The following TEKT5 variants were observed in gnomAD, a reference collection of about 807,000 sequenced individuals.
The protein encoded by TEKT5 is tektin-5.
TEKT5 carries 52 observed loss-of-function variants against 48.7 expected under a neutral mutation model. The ratio of observed to expected loss-of-function variants is 1.07; its 90% CI spans 0.86 to 1.35. TEKT5 has a LOEUF of 1.35. Among genes scored for constraint, TEKT5 ranks in the 40% most tolerant of loss-of-function variants. The pLI is 0.00. For synonymous variants in TEKT5, 318 were observed against 267.6 expected, an observed-to-expected ratio of 1.19 and a Z score of -1.84; for missense variants, 831 against 641.6, an observed-to-expected ratio of 1.30 and a Z score of -3.19.
chr16:10,677,051 T>TC (rs1898659528), intron 4 of TEKT5, among the ~76,000 whole-genome samples: 1 of 151,486 alleles, frequency 6.6e-6, no homozygotes, highest in Non-Finnish European at 1.5e-5. Context: ...AGTACCTACA[T>TC]GTGGTGGTGC....
In TEKT5 at chr16:10,676,043, C is replaced by A; in HGVS notation, c.1002G>T (p.Gln334His). Residue 334 changes from glutamine (Q) to histidine (H), a missense_variant, in exon 5 of 7, where the codon CAG (glutamine) becomes CAT (histidine). Transcript: ENST00000283025. Reference sequence around the variant, plus strand: ...TGAAGGCCAGGTTGGTGTCTGTGAACTGCCTCCACATCTGATCCGACAAGG... The same window carrying A: ...TGAAGGCCAGGTTGGTGTCTGTGAAATGCCTCCACATCTGATCCGACAAGG... ...FETLSDQMWR[Q>H]FTDTNLAFNA... 6.2e-7 allele frequency: 1 copy of A among 1,614,260 alleles called. No individual in the cohort carries two copies. The highest frequency in any genetic ancestry group is 8.5e-7 in the Non-Finnish European group (1 of 1,180,052).
chr16:10,674,506 G>A (rs1054875268), intron 5 of TEKT5, among the ~76,000 whole-genome samples: 7 of 150,706 alleles, frequency 4.6e-5, no homozygotes, highest in African/African-American at 1.5e-4. Context: ...GTGGTGGCAC[G>A]CACACGTAGT....
At chr16:10,643,581 T>C (rs1297354576) in intron 5 of TEKT5, among the ~76,000 whole-genome samples, 4 of 152,174 alleles carry the variant, frequency 2.6e-5, no homozygotes, top group African/African-American at 9.7e-5. Context: ...CAAATTGAGA[T>C]GAGCCGTAAG....
At chr16:10,641,079 A>G (rs1897987782) in intron 5 of TEKT5, among the ~76,000 whole-genome samples, 1 of 152,120 alleles carries the variant, frequency 6.6e-6, no homozygotes, top group Admixed American at 6.6e-5. Flanking sequence ...TCTTGTTTTC[A>G]TTCCCACCAG....
At chr16:10,661,336 C>T (rs1001858206) in intron 5 of TEKT5, among the ~76,000 whole-genome samples, 2 of 152,148 alleles carry the variant, frequency 1.3e-5, no homozygotes, top group Admixed American at 6.5e-5. Context: ...TGCAGCACCT[C>T]GCTACTCCAA....
intron 1 of TEKT5, 73 bp from the exon 2 acceptor site, chr16:10,690,098 C>A (rs768097246): frequency 1.5e-4 from 227 of 1,483,466 alleles, no homozygotes; most frequent in Non-Finnish European, 2.1e-4. Flanking sequence ...GGACTCACAT[C>A]CACCCTTGCC....
At chr16:10,664,284 G>A (rs1468898271) in intron 5 of TEKT5, among the ~76,000 whole-genome samples, 1 of 152,174 alleles carries the variant, frequency 6.6e-6, no homozygotes, top group African/African-American at 2.4e-5. Flanking sequence ...GGAAGGAAGA[G>A]GGAGGGAGGG....
intron 5 of TEKT5, among the ~76,000 whole-genome samples, chr16:10,639,316 AC>A (rs981465580): frequency 1.3e-4 from 20 of 151,726 alleles, no homozygotes; most frequent in African/African-American, 4.4e-4. Context: ...TCTCCAAAAA[AC>A]AAAAAACAAA....
intron 5 of TEKT5, among the ~76,000 whole-genome samples, chr16:10,645,717 G>C (rs146128776): frequency 6.6e-6 from 1 of 152,022 alleles, no homozygotes; most frequent in Non-Finnish European, 1.5e-5. Flanking sequence ...CAGGAAAATC[G>C]CTTGAACCTG....
At chr16:10,668,995 A>G (rs1161260351) in intron 5 of TEKT5, among the ~76,000 whole-genome samples, 1 of 152,200 alleles carries the variant, frequency 6.6e-6, no homozygotes, top group Non-Finnish European at 1.5e-5. Flanking sequence ...TGAGCTCTGA[A>G]TTGCTAGAGC....
intron 5 of TEKT5, among the ~76,000 whole-genome samples, chr16:10,670,005 G>C (rs920084960): frequency 6.6e-6 from 1 of 152,198 alleles, no homozygotes; most frequent in Admixed American, 6.5e-5. Context: ...TGGCCGAGGT[G>C]ACAGAACTCT....
At chr16:10,652,682 GACACACACACACACACACAC>G (rs1187367332) in intron 5 of TEKT5, among the ~76,000 whole-genome samples, 390 of 7,592 alleles carry the variant, frequency 0.051, 28 homozygotes, top group Middle Eastern at 0.17. Flanking sequence ...TACACAGGCA[GACACACACACACACACACAC>G]ACACACACAC....
intron 5 of TEKT5, among the ~76,000 whole-genome samples, chr16:10,660,539 G>A (rs920323247): frequency 1.2e-4 from 19 of 152,066 alleles, no homozygotes; most frequent in African/African-American, 2.2e-4. Flanking sequence ...CTCCTCATCC[G>A]GGAGACAGAG....
chr16:10,646,298 C>T (rs1341663441), intron 5 of TEKT5, among the ~76,000 whole-genome samples: 1 of 152,108 alleles, frequency 6.6e-6, no homozygotes, highest in African/African-American at 2.4e-5. Context: ...TAACCAGCTT[C>T]CCCCCAGTGA....
intron 2 of TEKT5, 126 bp downstream of exon 2, chr16:10,689,816 G>A (rs1015346539): frequency 2.1e-5 from 18 of 877,942 alleles, no homozygotes; most frequent in Middle Eastern, 3.3e-4. Context: ...CATGCTTCCT[G>A]AGCCCTCACT....
chr16:10,634,411 C>CCCGGTGAG (rs1897884223), intron 6 of TEKT5, among the ~76,000 whole-genome samples: 1 of 152,134 alleles, frequency 6.6e-6, no homozygotes, highest in African/African-American at 2.4e-5. Context: ...TGCTATGAAA[C>CCCGGTGAG]CCGGTGAGCA....
chr16:10,649,377 C>G (rs1441353500), intron 5 of TEKT5, among the ~76,000 whole-genome samples: 1 of 152,118 alleles, frequency 6.6e-6, no homozygotes, highest in Non-Finnish European at 1.5e-5. Flanking sequence ...TCCCAAAGTT[C>G]TGGGATTATA....
chr16:10,688,517 G>A (rs554514305), intron 3 of TEKT5, among the ~76,000 whole-genome samples: 20 of 152,300 alleles, frequency 1.3e-4, no homozygotes, highest in Non-Finnish European at 1.8e-4. Context: ...AGGCTGTCCC[G>A]TGCTTTCTGT....
intron 3 of TEKT5, among the ~76,000 whole-genome samples, chr16:10,688,724 T>C (rs939307468): frequency 6.6e-6 from 1 of 152,222 alleles, no homozygotes; most frequent in Non-Finnish European, 1.5e-5. Flanking sequence ...CCCAGGCTTG[T>C]CGGGATACTG....
Sources: gnomAD v4.1 joint callset for allele counts (sites outside exome capture counted in the v4.1 genomes callset) on GRCh38, gnomAD v4.1.1 for gene constraint, MANE v1.5 for transcripts, NCBI Gene and HGNC (gene_info 2026-07-23, HGNC 2026-07-21) for gene names.